Variants in EYA2 observed in about 807,000 individuals in gnomAD.
The protein encoded by EYA2 is protein phosphatase EYA2.
EYA2 carries 31 observed loss-of-function variants against 69.2 expected under a neutral mutation model. The ratio of observed to expected loss-of-function variants is 0.45; its 90% confidence interval spans 0.34 to 0.60. The LOEUF (loss-of-function observed/expected upper bound fraction) is 0.60. Ranked by LOEUF, EYA2 falls within the 20% of genes least tolerant of loss-of-function variation. The probability of loss-of-function intolerance (pLI) is 0.02; values close to 1 mark genes in which losing one functional copy is unlikely to be tolerated. For synonymous variants in EYA2, 257 were observed against 279.4 expected, an observed-to-expected ratio of 0.92 and a Z score of 0.80; for missense variants, 622 against 701.2, an observed-to-expected ratio of 0.89 and a Z score of 1.28.
At chr20:46,906,214 A>G (rs1984348710) in intron 1 of EYA2, among the ~76,000 whole-genome samples, 1 of 152,264 alleles carries the variant, frequency 6.6e-6, no homozygotes, top group South Asian at 2.1e-4. Flanking sequence ...CAAAAGTGGC[A>G]CACAGCCATG....
intron 4 of EYA2, among the ~76,000 whole-genome samples, chr20:47,007,364 T>G (rs1354390169): frequency 1.3e-5 from 2 of 152,144 alleles, no homozygotes; most frequent in Non-Finnish European, 2.9e-5. Flanking sequence ...AACTGAGAGA[T>G]AGCCATGTGC....
intron 4 of EYA2, among the ~76,000 whole-genome samples, chr20:47,015,477 G>A (rs1983352263): frequency 6.6e-6 from 1 of 152,170 alleles, no homozygotes; most frequent in South Asian, 2.1e-4. Flanking sequence ...CATCTTTGCA[G>A]AGGAAGGGTG....
intron 1 of EYA2, among the ~76,000 whole-genome samples, chr20:46,905,884 C>T (rs749493554): frequency 7.2e-5 from 11 of 152,134 alleles, no homozygotes; most frequent in Non-Finnish European, 1.5e-4. Context: ...CCCAGGAGTA[C>T]TCAAAGAAAG....
intron 3 of EYA2, among the ~76,000 whole-genome samples, chr20:47,002,594 C>T (rs1365463154): frequency 6.6e-6 from 1 of 152,196 alleles, no homozygotes; most frequent in Non-Finnish European, 1.5e-5. Context: ...AATTTCTTTA[C>T]CCAGTCTATC....
chr20:47,000,132 G>A (rs1479883992), intron 2 of EYA2, among the ~76,000 whole-genome samples: 1 of 152,186 alleles, frequency 6.6e-6, no homozygotes, highest in East Asian at 1.9e-4. Flanking sequence ...CTGTTCATCT[G>A]AGGATGAGAA....
chr20:47,043,718 T>C (rs1190235765), intron 5 of EYA2, among the ~76,000 whole-genome samples: 2 of 152,242 alleles, frequency 1.3e-5, no homozygotes, highest in Non-Finnish European at 2.9e-5. Flanking sequence ...AATAAGTTAA[T>C]ACGTATAAAG....
At chr20:47,093,146 G>T (rs1166290268) in intron 8 of EYA2, among the ~76,000 whole-genome samples, 1 of 152,136 alleles carries the variant, frequency 6.6e-6, no homozygotes, top group Non-Finnish European at 1.5e-5. Flanking sequence ...ATAGTGTCCT[G>T]GCCGTGCCTT....
intron 9 of EYA2, among the ~76,000 whole-genome samples, chr20:47,134,342 A>G (rs1418333051): frequency 6.6e-6 from 1 of 152,208 alleles, no homozygotes; most frequent in Non-Finnish European, 1.5e-5. Context: ...ATTAGACCTG[A>G]GTTCAGTGCC....
intron 5 of EYA2, among the ~76,000 whole-genome samples, chr20:47,026,484 A>G (rs6066168): frequency 0.87 from 132,011 of 151,312 alleles, 58,498 homozygotes; most frequent in Non-Finnish European, 0.97. Context: ...TCAAAACAAC[A>G]AAACAAATGA....
At chr20:47,075,246 C>G (rs2031473553) in intron 7 of EYA2, among the ~76,000 whole-genome samples, 1 of 152,214 alleles carries the variant, frequency 6.6e-6, no homozygotes, top group South Asian at 2.1e-4. Context: ...CAGGCCCTCC[C>G]TTTAGTTTGG....
At position 46,941,646 on chromosome 20, in the gene EYA2, T is replaced by A. The variant is rs146611598; in HGVS notation, c.-11+46659T>A. On this transcript the variant is annotated intron_variant, in intron 1 of 15. Transcript: ENST00000327619. ...CTGTGCCTCAGTTTCCTCACATGTA[T>A]CATGGAGATACTCATGCCCTTATCT... Among the ~76,000 whole-genome samples, 572 of 152,338 alleles carry A rather than the reference T, an allele frequency of 3.8e-3. 1 individual carries two copies. The highest frequency in any genetic ancestry group is 0.013 in the African/African-American group (520 of 41,572).
chr20:46,895,842 C>A (rs938223241), intron 1 of EYA2, among the ~76,000 whole-genome samples: 1 of 152,170 alleles, frequency 6.6e-6, no homozygotes, highest in Non-Finnish European at 1.5e-5. Flanking sequence ...AGACTCAGTG[C>A]GCTTTTCTCA....
intron 1 of EYA2, among the ~76,000 whole-genome samples, chr20:46,906,727 G>T (rs1409969454): frequency 6.6e-6 from 1 of 152,178 alleles, no homozygotes; most frequent in Admixed American, 6.5e-5. Flanking sequence ...CACCCAGCAA[G>T]TGCAGGGGTA....
intron 1 of EYA2, among the ~76,000 whole-genome samples, chr20:46,928,812 T>C (rs6018185): frequency 0.58 from 87,598 of 152,024 alleles, 25,948 homozygotes; most frequent in East Asian, 0.83. Context: ...GCAGATGGGG[T>C]GGCTTTCAGG....
chr20:47,171,721 A>G (rs1218037566), intron 11 of EYA2, among the ~76,000 whole-genome samples: 1 of 152,134 alleles, frequency 6.6e-6, no homozygotes, highest in Non-Finnish European at 1.5e-5. Context: ...TGCCCTCCCC[A>G]AGGGCCTCCA....
chr20:46,908,528 C>T (rs1329598658), intron 1 of EYA2, among the ~76,000 whole-genome samples: 1 of 152,108 alleles, frequency 6.6e-6, no homozygotes, highest in African/African-American at 2.4e-5. Context: ...TCAAAATTAT[C>T]GTAATTTAAA....
In EYA2 at chr20:47,188,283, C is replaced by T. The variant is rs1044820878; in HGVS notation, c.*150C>T. Reference sequence around the variant, plus strand: ...CGTGTCCAGTGACCATCTCAGAAGCCGTCCATCAGTCCAAATGGGGGTTCT... The same window carrying T: ...CGTGTCCAGTGACCATCTCAGAAGCTGTCCATCAGTCCAAATGGGGGTTCT... On this transcript the variant is annotated 3_prime_UTR_variant, in exon 16 of 16. Transcript: ENST00000327619. 7 of 686,676 alleles carry T rather than the reference C, an allele frequency of 1.0e-5. No individual in the cohort carries two copies. Among genetic ancestry groups the T allele is most frequent in the East Asian group, 5.4e-5 (2 of 36,976 alleles). 42.5% of individuals were successfully genotyped at this position (686,676 alleles called of 1,614,324 possible).
At chr20:47,122,610 A>G (rs919355197) in intron 9 of EYA2, among the ~76,000 whole-genome samples, 3 of 151,980 alleles carry the variant, frequency 2.0e-5, no homozygotes, top group Non-Finnish European at 4.4e-5. Flanking sequence ...CTTCTCTGCC[A>G]TTAGAATATA....
intron 9 of EYA2, among the ~76,000 whole-genome samples, chr20:47,115,289 T>C (rs1210828512): frequency 6.6e-6 from 1 of 152,182 alleles, no homozygotes; most frequent in East Asian, 1.9e-4. Context: ...GCCCAGCTCA[T>C]CGCTGCCGTC....
Sources: gnomAD v4.1 joint callset for allele counts (sites outside exome capture counted in the v4.1 genomes callset) on GRCh38, gnomAD v4.1.1 for gene constraint, MANE v1.5 for transcripts, NCBI Gene and HGNC (gene_info 2026-07-23, HGNC 2026-07-21) for gene names.